Variants in RNF111 observed in about 807,000 individuals in gnomAD.
RNF111 encodes the protein E3 ubiquitin-protein ligase Arkadia.
RNF111 carries 17 observed loss-of-function variants against 95.1 expected under a neutral mutation model. The observed-to-expected ratio is 0.18, with a 90% CI of 0.12 to 0.27. RNF111 has a LOEUF of 0.27. Among genes scored for constraint, RNF111 ranks in the 10% least tolerant of loss-of-function variants. The probability of loss-of-function intolerance (pLI) is 1.00; values close to 1 mark genes in which losing one functional copy is unlikely to be tolerated. For missense variants in RNF111, 1,189 were observed against 1,210.4 expected, an observed-to-expected ratio of 0.98 and a Z score of 0.26; for synonymous variants, 440 against 414.8, an observed-to-expected ratio of 1.06 and a Z score of -0.74.
intron 1 of RNF111, among the ~76,000 whole-genome samples, chr15:59,005,608 G>C (rs1478024090): frequency 1.5e-4 from 23 of 152,054 alleles, no homozygotes. Flanking sequence ...AGAGGAATTT[G>C]AGGTTCACTT....
chr15:59,063,440 T>C (rs1031114784), intron 5 of RNF111, among the ~76,000 whole-genome samples: 1 of 152,202 alleles, frequency 6.6e-6, no homozygotes, highest in Admixed American at 6.5e-5. Context: ...GGAGGCACTT[T>C]AACCAAATTA....
At chr15:59,001,705 T>C (rs886683494) in intron 1 of RNF111, among the ~76,000 whole-genome samples, 8 of 152,216 alleles carry the variant, frequency 5.3e-5, no homozygotes, top group African/African-American at 1.9e-4. Flanking sequence ...AATCATGTGA[T>C]ATAAGATTTG....
chr15:59,040,899 T>C (rs1270888899), intron 2 of RNF111, among the ~76,000 whole-genome samples: 1 of 152,258 alleles, frequency 6.6e-6, no homozygotes, highest in Admixed American at 6.5e-5. Context: ...CTTTTTAAAT[T>C]ATGTAAAACA....
At chr15:59,005,300 C>G (rs187081735) in intron 1 of RNF111, among the ~76,000 whole-genome samples, 10 of 152,000 alleles carry the variant, frequency 6.6e-5, no homozygotes, top group African/African-American at 1.9e-4. Context: ...ATTACAGGCA[C>G]GAGCCACTGC....
chr15:59,055,925 C>G, intron 4 of RNF111, 80 bp downstream of exon 4: 1 of 1,098,520 alleles, frequency 9.1e-7, no homozygotes. Context: ...GAAACTCCTC[C>G]TGCTTACTGG....
chr15:59,031,220 C>T lies in RNF111; in HGVS notation c.398C>T (p.Ser133Phe). Reference protein sequence around the residue: ...GTPSDEDNDSSFSDCLSSPSS... With the variant: ...GTPSDEDNDSFFSDCLSSPSS... ...CCAAGTGATGAAGATAATGATTCCTCTTTTAGTGATTGTCTTTCTTCTCCT... is the reference window on the plus strand; with the variant it reads ...CCAAGTGATGAAGATAATGATTCCTTTTTTAGTGATTGTCTTTCTTCTCCT... Residue 133 changes from serine to phenylalanine, a missense_variant, in exon 2 of 14, where the codon TCT becomes TTT. By Grantham distance (155) the Ser-to-Phe change is radical. Transcript: ENST00000348370. The T allele has an allele frequency of 1.2e-6, 2 of 1,614,168 alleles. No homozygotes were observed. Among genetic ancestry groups the T allele is most frequent in the East Asian group, 2.2e-5 (1 of 44,878 alleles).
At chr15:59,005,462 C>T (rs923679443) in intron 1 of RNF111, among the ~76,000 whole-genome samples, 9 of 152,222 alleles carry the variant, frequency 5.9e-5, no homozygotes, top group African/African-American at 1.4e-4. Flanking sequence ...GGCAGTTTTG[C>T]TCCCAACATT....
chr15:59,002,202 G>A (rs908012470), intron 1 of RNF111, among the ~76,000 whole-genome samples: 7 of 152,114 alleles, frequency 4.6e-5, no homozygotes, highest in African/African-American at 1.7e-4. Context: ...TATAGTGTTG[G>A]TTAAAACTCA....
At chr15:59,006,302 A>G (rs1213459567) in intron 1 of RNF111, among the ~76,000 whole-genome samples, 1 of 152,184 alleles carries the variant, frequency 6.6e-6, no homozygotes, top group Non-Finnish European at 1.5e-5. Context: ...TAGCACCCCA[A>G]TCAGGACATA....
At chr15:59,033,878 G>A (rs2041037514) in intron 2 of RNF111, among the ~76,000 whole-genome samples, 1 of 151,754 alleles carries the variant, frequency 6.6e-6, no homozygotes, top group African/African-American at 2.4e-5. Context: ...CCAAAATGTT[G>A]AAACCAAGTA....
intron 11 of RNF111, among the ~76,000 whole-genome samples, chr15:59,090,659 T>C (rs2079027754): frequency 6.6e-6 from 1 of 152,264 alleles, no homozygotes; most frequent in African/African-American, 2.4e-5. Context: ...CTGACTTACA[T>C]AGTACCATGT....
chr15:58,998,915 A>G (rs570676718), intron 1 of RNF111, among the ~76,000 whole-genome samples: 1 of 152,326 alleles, frequency 6.6e-6, no homozygotes, highest in East Asian at 1.9e-4. Flanking sequence ...ATGATGTTAC[A>G]AAGTCATGTC....
intron 1 of RNF111, among the ~76,000 whole-genome samples, chr15:59,022,645 G>A (rs980639789): frequency 4.6e-5 from 7 of 152,148 alleles, no homozygotes; most frequent in East Asian, 3.9e-4. Flanking sequence ...TATAGTGAAC[G>A]TCTTTGGGTT....
At chr15:58,989,236 G>A (rs1191351077) in intron 1 of RNF111, among the ~76,000 whole-genome samples, 3 of 152,134 alleles carry the variant, frequency 2.0e-5, no homozygotes, top group Non-Finnish European at 4.4e-5. Flanking sequence ...CCCTAGTCTG[G>A]TTATATTTGT....
At chr15:59,045,130 T>C (rs554953864) in intron 2 of RNF111, among the ~76,000 whole-genome samples, 50 of 152,212 alleles carry the variant, frequency 3.3e-4, no homozygotes, top group African/African-American at 1.2e-3. Context: ...ACATAAGCCA[T>C]GTAAAAGGTG....
intron 2 of RNF111, among the ~76,000 whole-genome samples, chr15:59,036,572 A>G (rs1304395369): frequency 1.3e-5 from 2 of 152,104 alleles, no homozygotes; most frequent in African/African-American, 4.8e-5. Context: ...TATGTGGGAA[A>G]ATTGCCCCCA....
At chr15:59,046,891 A>G (rs1345735365) in intron 2 of RNF111, among the ~76,000 whole-genome samples, 2 of 152,158 alleles carry the variant, frequency 1.3e-5, no homozygotes, top group Non-Finnish European at 2.9e-5. Context: ...TTTGAGACAC[A>G]GGGTCTCACT....
intron 5 of RNF111, among the ~76,000 whole-genome samples, chr15:59,063,998 C>G (rs1308166963): frequency 3.3e-5 from 5 of 152,048 alleles, no homozygotes; most frequent in African/African-American, 9.7e-5. Context: ...AGATAAAACC[C>G]TGAAAATGCT....
intron 5 of RNF111, among the ~76,000 whole-genome samples, chr15:59,064,669 G>A (rs956783131): frequency 2.6e-5 from 4 of 151,840 alleles, no homozygotes; most frequent in African/African-American, 9.7e-5. Context: ...GTTCACAGAC[G>A]CGTGAATTCT....
Sources: gnomAD v4.1 joint callset for allele counts (sites outside exome capture counted in the v4.1 genomes callset) on GRCh38, gnomAD v4.1.1 for gene constraint, MANE v1.5 for transcripts, NCBI Gene and HGNC (gene_info 2026-07-23, HGNC 2026-07-21) for gene names.